Variants in SPANXN1 observed in about 807,000 individuals in gnomAD.
The protein encoded by SPANXN1 is sperm protein associated with the nucleus on the X chromosome N1.
Under a neutral mutation model 2.0 loss-of-function variants are expected in SPANXN1, and 1 was observed. The observed-to-expected ratio is 0.50, with a 90% confidence interval of 0.18 to 2.36. SPANXN1 has a LOEUF of 2.36. Among genes scored for constraint, SPANXN1 ranks in the 30% most tolerant of loss-of-function variants. The pLI is 0.26. For missense variants in SPANXN1, 55 were observed against 51.8 expected (o/e 1.06, Z -0.19); for synonymous variants, 27 against 21.3 (o/e 1.27, Z -0.74).
chrX:145,256,110 T>A lies in SPANXN1; in HGVS notation c.*296T>A, dbSNP rs1252412791. The A allele has an allele frequency of 4.4e-6, 2 of 454,876 alleles. No individual in the cohort carries two copies. Among genetic ancestry groups the A allele is most frequent in the Non-Finnish European group, 7.7e-6 (2 of 259,899 alleles). The allele number at this position is 454,876 out of a possible 1,213,427, so 37.5% of individuals were successfully genotyped here. A position where few individuals can be genotyped will look rare whatever the true frequency, so the allele number is the denominator to read the frequency against. The stretch of plus-strand genomic sequence containing the variant: ...GGATCTTCACAGGAGGATGAAGACC[T>A]AGAGAAAAAGCGATCATCTAGGTCA... On this transcript the variant is annotated 3_prime_UTR_variant, in exon 2 of 2. Transcript: ENST00000370493.
rs151277816 is a variant in SPANXN1, at chrX:145,252,442, C to G, written c.76-3229C>G. Among the ~76,000 whole-genome samples the G allele has an allele frequency of 1.7e-4, 19 of 110,802 alleles. No homozygotes were observed. In the East Asian group the frequency reaches 5.5e-3, roughly 32 times the overall value. The stretch of plus-strand genomic sequence containing the variant: ...AAGTCTTGTCTGTCTTCTGGAAAGC[C>G]AGAATAGGGGTGTTGTGGGGAGAGT... On this transcript the variant is annotated intron_variant, in intron 1 of 1. Coordinates refer to ENST00000370493, the MANE Select transcript of SPANXN1 (RefSeq NM_001009614.3).
At chrX:145,254,291 G>A (rs1219545111) in intron 1 of SPANXN1, among the ~76,000 whole-genome samples, 12 of 112,174 alleles carry the variant, frequency 1.1e-4, no homozygotes, top group African/African-American at 2.9e-4. Flanking sequence ...GATAAGCAAA[G>A]CACTTCAGAT....
At chrX:145,248,771 A>G (rs1415495686) in intron 1 of SPANXN1, among the ~76,000 whole-genome samples, 24 of 111,320 alleles carry the variant, frequency 2.2e-4, no homozygotes, top group Non-Finnish European at 2.8e-4. Flanking sequence ...GGAGGAGGTG[A>G]AGGCTGCTTG....
At chrX:145,250,064 G>A (rs1459277591) in intron 1 of SPANXN1, among the ~76,000 whole-genome samples, 1 of 111,295 alleles carries the variant, frequency 9.0e-6, no homozygotes, top group East Asian at 2.8e-4. Flanking sequence ...GGAGAGTTTG[G>A]TTAGTTGTTT....
At chrX:145,252,474 G>GC (rs1264044915) in intron 1 of SPANXN1, among the ~76,000 whole-genome samples, 5 of 110,782 alleles carry the variant, frequency 4.5e-5, no homozygotes, top group African/African-American at 1.6e-4. Flanking sequence ...GAGTTGACGG[G>GC]CTTGAGAATT....
rs1427335355 is a variant in SPANXN1, at chrX:145,249,059, T to TGGTGG, written c.75+1400_75+1401insTGGGG. On this transcript the variant is annotated intron_variant, in intron 1 of 1. Coordinates refer to ENST00000370493, the MANE Select transcript of SPANXN1 (RefSeq NM_001009614.3). ...GATGGTGTGGGTGGATTTAATGGAT[T>TGGTGG]GGGGGGAAAGGTGATTAGCCGAGCA... 9.0e-3 allele frequency among the ~76,000 whole-genome samples: 991 copies of TGGTGG among 110,688 alleles called. 14 individuals are homozygous for TGGTGG. The highest frequency in any genetic ancestry group is 0.032 in the African/African-American group (957 of 30,356).
chrX:145,251,280 GT>G (rs1556882480), intron 1 of SPANXN1, among the ~76,000 whole-genome samples: 1 of 111,829 alleles, frequency 8.9e-6, no homozygotes, highest in Non-Finnish European at 1.9e-5. Flanking sequence ...TGGGTTGAGA[GT>G]TTTATATCTC....
chrX:145,255,880 A>G lies in SPANXN1; in HGVS notation c.*66A>G. 8.3e-7 allele frequency: 1 copy of G among 1,210,247 alleles called. No individual in the cohort carries two copies. Among genetic ancestry groups the G allele is most frequent in the African/African-American group, 1.7e-5 (1 of 57,713 alleles). Reference sequence around the variant, plus strand: ...GCCTAGACTCAGCTGAAGGATCTTCAAAGCAGGATGAAGACCTAGACTTAC... The same window carrying G: ...GCCTAGACTCAGCTGAAGGATCTTCGAAGCAGGATGAAGACCTAGACTTAC... On this transcript the variant is annotated 3_prime_UTR_variant, in exon 2 of 2. Transcript: ENST00000370493.
At chrX:145,249,270 G>A (rs2070775517) in intron 1 of SPANXN1, among the ~76,000 whole-genome samples, 1 of 108,991 alleles carries the variant, frequency 9.2e-6, no homozygotes, top group African/African-American at 3.4e-5. Context: ...GTGTGAGGCT[G>A]ATGAAGGGGG....
At chrX:145,248,509 G>A (rs1302897031) in intron 1 of SPANXN1, among the ~76,000 whole-genome samples, 3 of 111,912 alleles carry the variant, frequency 2.7e-5, no homozygotes, top group Non-Finnish European at 3.8e-5. Context: ...AGTGTGTGTG[G>A]AGGAAGATGA....
Position 145,255,711 on chromosome X carries a change from G to A in SPANXN1, c.116G>A (p.Ser39Asn). 8.3e-7 allele frequency: 1 copy of A among 1,211,879 alleles called. No individual in the cohort carries two copies. The highest frequency in any genetic ancestry group is 1.7e-5 in the African/African-American group (1 of 57,812). ...TPNRDLAPEP[S>N]LKKMKTSEYS... ...AACAGGGACTTAGCCCCCGAACCGA[G>A]TTTGAAAAAGATGAAAACGTCAGAA... is the stretch of plus-strand genomic sequence containing the variant. The change falls in exon 2 of 2, where the codon AGT becomes AAT. Residue 39 changes from serine (S) to asparagine (N), a missense_variant. By Grantham distance (46) the Ser-to-Asn change is conservative. Coordinates refer to ENST00000370493, the MANE Select transcript of SPANXN1 (RefSeq NM_001009614.3).
In SPANXN1 at chrX:145,256,183, G is replaced by A; in HGVS notation, c.*369G>A. 1 of 364,542 alleles carries A rather than the reference G, an allele frequency of 2.7e-6. No homozygotes were observed. Among genetic ancestry groups the A allele is most frequent in the Non-Finnish European group, 4.9e-6 (1 of 205,897 alleles). 30.0% of individuals were successfully genotyped at this position (364,542 alleles called of 1,213,427 possible). ...AAATTACAGAAATTCTCCAAGGAAGGAGCCAGATAAATAAATATTCTGATT... is the reference window on the plus strand; with the variant it reads ...AAATTACAGAAATTCTCCAAGGAAGAAGCCAGATAAATAAATATTCTGATT... On this transcript the variant is annotated 3_prime_UTR_variant, in exon 2 of 2. Transcript: ENST00000370493.
At position 145,247,568 on chromosome X, in the gene SPANXN1, T is replaced by C; in HGVS notation, c.-19T>C. 1 of 1,205,809 alleles carries C rather than the reference T, an allele frequency of 8.3e-7. No individual in the cohort carries two copies. The highest frequency in any genetic ancestry group is 1.1e-6 in the Non-Finnish European group (1 of 890,774). Reference sequence around the variant, plus strand: ...GTCTACAAGAGCCTACTATAGACATTCTACAACCAACCAGAATCATGGAAC... The same window carrying C: ...GTCTACAAGAGCCTACTATAGACATCCTACAACCAACCAGAATCATGGAAC... On this transcript the variant is annotated 5_prime_UTR_variant, in exon 1 of 2. Transcript: ENST00000370493.
rs138725919 is a variant in SPANXN1 at position 145,255,815 on chromosome X, G to A, written c.*1G>A. 2.5e-6 allele frequency: 3 copies of A among 1,211,878 alleles called. No homozygotes were observed. The highest frequency in any genetic ancestry group is 3.0e-5 in the East Asian group (1 of 33,848). Reference sequence around the variant, plus strand: ...TCAACTGGAGAATGACCAGTCCTGAGAGAACTCCATCAATCCAGTCCAAGA... The same window carrying A: ...TCAACTGGAGAATGACCAGTCCTGAAAGAACTCCATCAATCCAGTCCAAGA... On this transcript the variant is annotated 3_prime_UTR_variant, in exon 2 of 2. Coordinates refer to ENST00000370493, the MANE Select transcript of SPANXN1 (RefSeq NM_001009614.3).
In SPANXN1 at chrX:145,247,719, G is replaced by A. The variant is rs73639610; in HGVS notation, c.75+58G>A. ...GGTGAAAGAAAGACACACAGAGAAG[G>A]GACGGCTCAAACAGCAACACAGGAA... On this transcript the variant is annotated intron_variant, in intron 1 of 1. Transcript: ENST00000370493. The A allele has an allele frequency of 4.1e-3, 4,587 of 1,122,852 alleles. 119 individuals are homozygous for A. In the African/African-American group the frequency reaches 0.074, roughly 18 times the overall value. 92.5% of individuals were successfully genotyped at this position (1,122,852 alleles called of 1,213,427 possible).
At chrX:145,249,064 G>A (rs1448991695) in intron 1 of SPANXN1, among the ~76,000 whole-genome samples, 7 of 111,304 alleles carry the variant, frequency 6.3e-5, no homozygotes, top group Non-Finnish European at 1.1e-4. Context: ...TGGATTGGGG[G>A]GAAAGGTGAT....
At position 145,255,619 on chromosome X, in the gene SPANXN1, T is replaced by C. The variant is rs138412276; in HGVS notation, c.76-52T>C. ...AGCCCCCCTTGCTATCCAGTCTCTA[T>C]CCTATTCACCCAAAATAATGTCTTT... On this transcript the variant is annotated intron_variant, in intron 1 of 1. Coordinates refer to ENST00000370493, the MANE Select transcript of SPANXN1 (RefSeq NM_001009614.3). The C allele has an allele frequency of 2.6e-3, 3,142 of 1,206,388 alleles. 6 individuals carry two copies. The highest frequency in any genetic ancestry group is 2.8e-3 in the East Asian group (95 of 33,666).
chrX:145,255,953 C>G lies in SPANXN1; in HGVS notation c.*139C>G, dbSNP rs1556883161. The G allele has an allele frequency of 1.9e-5, 21 of 1,079,543 alleles. No homozygotes were observed. The highest frequency in any genetic ancestry group is 2.7e-5 in the Non-Finnish European group (21 of 780,975). The allele number at this position is 1,079,543 out of a possible 1,213,427, so 89.0% of individuals were successfully genotyped here. On this transcript the variant is annotated 3_prime_UTR_variant, in exon 2 of 2. Transcript: ENST00000370493. ...AGGATCTTCAAAGCAGGATGAAGAC[C>G]TAGACTTACCTGAAGGATCTTCAAA...
intron 1 of SPANXN1, among the ~76,000 whole-genome samples, chrX:145,251,728 G>A (rs1819147095): frequency 9.0e-6 from 1 of 111,513 alleles, no homozygotes; most frequent in African/African-American, 3.3e-5. Flanking sequence ...TTGTTTTAGT[G>A]GGAATTGATG....
Sources: allele counts gnomAD v4.1 joint callset (sites outside exome capture counted in the v4.1 genomes callset), GRCh38; gene constraint gnomAD v4.1.1; transcripts MANE v1.5; gene names NCBI Gene and HGNC (gene_info 2026-07-23, HGNC 2026-07-21).